TIA1: variants seen among roughly 807,000 people sequenced by gnomAD.
TIA1 encodes the protein cytotoxic granule associated RNA binding protein TIA1.
A neutral mutation model predicts 65.9 loss-of-function variants in TIA1; 23 were observed. The ratio of observed to expected loss-of-function variants is 0.35; its 90% CI spans 0.25 to 0.49. The LOEUF is 0.49. Among genes scored for constraint, TIA1 ranks in the 20% least tolerant of loss-of-function variants. The pLI is 0.98. For missense variants in TIA1, 371 were observed against 477.9 expected (o/e 0.78, Z 2.09); for synonymous variants, 147 against 149.4 (o/e 0.98, Z 0.12).
chr2:70,227,897 A>G (rs1439958371), intron 5 of TIA1, 75 bp from the exon 6 acceptor site: 3 of 967,940 alleles, frequency 3.1e-6, no homozygotes, highest in African/African-American at 3.3e-5. Flanking sequence ...AATCTATCCA[A>G]TAAAGTATTC....
chr2:70,228,370 A>C (rs1452393285), intron 5 of TIA1: 8 of 1,287,972 alleles, frequency 6.2e-6, no homozygotes, highest in Non-Finnish European at 8.1e-6. Flanking sequence ...TTGATGTTAA[A>C]GTATTTGACA....
chr2:70,212,616 C>A lies in TIA1; in HGVS notation c.*103G>T. 2 of 659,228 alleles carry A rather than the reference C, an allele frequency of 3.0e-6. No homozygotes were observed. Among genetic ancestry groups the A allele is most frequent in the Non-Finnish European group, 5.6e-6 (2 of 358,366 alleles). 40.8% of individuals were successfully genotyped at this position (659,228 alleles called of 1,614,324 possible). A position where few individuals can be genotyped will look rare whatever the true frequency, so the allele number is the denominator to read the frequency against. On this transcript the variant is annotated 3_prime_UTR_variant, in exon 13 of 13. Transcript: ENST00000433529. ...AATCTTTTAAATAAATACATTGTAT[C>A]TGACATTTGCACTGACTGATTTGAT... is the stretch of plus-strand genomic sequence containing the variant.
At chr2:70,246,699 G>A (rs758908672) in intron 1 of TIA1, among the ~76,000 whole-genome samples, 17 of 152,016 alleles carry the variant, frequency 1.1e-4, no homozygotes, top group Non-Finnish European at 2.4e-4. Flanking sequence ...CAGCTTGGCC[G>A]ACATGGTGAA....
rs779535462 is a variant in TIA1 at position 70,229,332 on chromosome 2, A to T, written c.223-14T>A. 89 of 1,585,800 alleles carry T rather than the reference A, an allele frequency of 5.6e-5. No homozygotes were observed. Among genetic ancestry groups the T allele is most frequent in the Non-Finnish European group, 6.9e-5 (80 of 1,164,626 alleles). Reference sequence around the variant, plus strand: ...CACTTTGACTTCCTAAAAAAAAAAAATTTCTACATTTATACTTCACAAAAA... The same window carrying T: ...CACTTTGACTTCCTAAAAAAAAAAATTTTCTACATTTATACTTCACAAAAA... On this transcript the variant is annotated splice_polypyrimidine_tract_variant and intron_variant, in intron 3 of 12. Transcript: ENST00000433529.
At position 70,214,430 on chromosome 2, in the gene TIA1, T is replaced by C. The variant is rs115611153; in HGVS notation, c.953A>G (p.Gln318Arg). The change falls in exon 12 of 13, where the codon CAA (glutamine) becomes CGA (arginine). Residue 318 changes from glutamine to arginine, a missense_variant. By Grantham distance (43) the Gln-to-Arg change is conservative (BLOSUM62 1). Coordinates refer to ENST00000433529, the MANE Select transcript of TIA1 (RefSeq NM_022173.4). ...QWGQWYGNAQ[Q>R]IGQYMPNGWQ... is the part of the protein sequence containing the mutation. Reference sequence around the variant, plus strand: ...ACCATTAGGCATATACTGGCCAATTTGTTGTGCATTTCCATACCACTGGCC... The same window carrying C: ...ACCATTAGGCATATACTGGCCAATTCGTTGTGCATTTCCATACCACTGGCC... 15,784 of 1,613,990 alleles carry C rather than the reference T, an allele frequency of 9.8e-3. 96 individuals carry two copies. The highest frequency in any genetic ancestry group is 0.012 in the Non-Finnish European group (14,145 of 1,179,938).
At chr2:70,219,244 G>T (rs1438092180) in intron 7 of TIA1, among the ~76,000 whole-genome samples, 1 of 151,602 alleles carries the variant, frequency 6.6e-6, no homozygotes, top group Admixed American at 6.6e-5. Context: ...GACTAGGGAG[G>T]AGTAGCCAGT....
intron 6 of TIA1, 111 bp downstream of exon 6, chr2:70,227,624 T>C (rs560587574): frequency 4.5e-6 from 3 of 669,848 alleles, no homozygotes; most frequent in East Asian, 2.9e-5. Flanking sequence ...TAATACATTA[T>C]ATTCAAGTTA....
intron 1 of TIA1, among the ~76,000 whole-genome samples, chr2:70,244,405 A>G (rs964928754): frequency 6.6e-6 from 1 of 152,190 alleles, no homozygotes; most frequent in African/African-American, 2.4e-5. Context: ...CCCAGTTCCC[A>G]GAAGACGGAC....
At chr2:70,214,632 TAAAAAAA>T (rs758601002) in intron 11 of TIA1, 138 bp from the exon 12 acceptor site, 61 of 311,950 alleles carry the variant, frequency 2.0e-4, no homozygotes, top group South Asian at 9.0e-4. Flanking sequence ...AGTTGACTGC[TAAAAAAA>T]AAAAAAAAAA....
intron 1 of TIA1, 40 bp downstream of exon 1, chr2:70,248,365 G>A (rs775461800): frequency 2.5e-6 from 4 of 1,592,906 alleles, no homozygotes; most frequent in South Asian, 1.1e-5. Flanking sequence ...CCTCCGGGAC[G>A]ACCACCATCC....
In TIA1 at chr2:70,216,396, T is replaced by TAG; in HGVS notation, c.679+7_679+8insCT. 3.7e-6 allele frequency: 6 copies of TAG among 1,608,238 alleles called. No individual in the cohort carries two copies. In the South Asian group the frequency reaches 6.7e-5, roughly 18 times the overall value. On this transcript the variant is annotated splice_region_variant and intron_variant, in intron 9 of 12. Coordinates refer to ENST00000433529, the MANE Select transcript of TIA1 (RefSeq NM_022173.4). Reference sequence around the variant, plus strand: ...AAAATTAATGCCACACAGGGAAGGCTCCCATACCTGTTAGCCCAGAAGTAA... The same window carrying TAG: ...AAAATTAATGCCACACAGGGAAGGCTAGCCCATACCTGTTAGCCCAGAAGTAA...
chr2:70,225,232 ACT>A, intron 6 of TIA1: 10 of 1,102,402 alleles, frequency 9.1e-6, no homozygotes, highest in Non-Finnish European at 1.1e-5. Flanking sequence ...AAGATTTTAC[ACT>A]GAATTTTATA....
intron 7 of TIA1, among the ~76,000 whole-genome samples, chr2:70,217,618 C>T (rs1299995066): frequency 6.6e-6 from 1 of 152,082 alleles, no homozygotes; most frequent in African/African-American, 2.4e-5. Flanking sequence ...AGGATGGTCT[C>T]GATCTCCTGA....
At chr2:70,227,415 C>T (rs1448727781) in intron 6 of TIA1, among the ~76,000 whole-genome samples, 1 of 152,090 alleles carries the variant, frequency 6.6e-6, no homozygotes, top group Admixed American at 6.6e-5. Context: ...TCCTTAGTTA[C>T]AGCACAATTT....
intron 2 of TIA1, among the ~76,000 whole-genome samples, chr2:70,235,111 A>T (rs7581651): frequency 0.084 from 12,808 of 152,138 alleles, 568 homozygotes; most frequent in East Asian, 0.18. Flanking sequence ...TCTTTAACAT[A>T]GCCTTTCCCA....
At chr2:70,224,727 T>C (rs1683071550) in intron 6 of TIA1, 98 bp from the exon 7 acceptor site, 2 of 1,511,764 alleles carry the variant, frequency 1.3e-6, no homozygotes, top group Non-Finnish European at 1.8e-6. Context: ...TTCACCTTCA[T>C]TAAAGTGAAC....
intron 6 of TIA1, chr2:70,225,506 C>T: frequency 1.8e-6 from 2 of 1,108,832 alleles, no homozygotes; most frequent in Non-Finnish European, 1.2e-6. Context: ...AGGCAATCTG[C>T]TTTTAAGTTA....
At chr2:70,237,400 CA>C (rs575331765) in intron 1 of TIA1, among the ~76,000 whole-genome samples, 1 of 151,424 alleles carries the variant, frequency 6.6e-6, no homozygotes, top group Non-Finnish European at 1.5e-5. Flanking sequence ...GACTATGTCT[CA>C]AAAAAGAAAA....
At position 70,209,775 on chromosome 2, in the gene TIA1, T is replaced by G; in HGVS notation, c.*2944A>C. ...ACTCTCATTTGAAAGGTTTGCTTTC[T>G]TATTTCCTGTAAGTACATTTCGTTT... On this transcript the variant is annotated 3_prime_UTR_variant, in exon 13 of 13. Coordinates refer to ENST00000433529, the MANE Select transcript of TIA1 (RefSeq NM_022173.4). The G allele has an allele frequency of 2.5e-6, 1 of 398,298 alleles. No individual in the cohort carries two copies. Among genetic ancestry groups the G allele is most frequent in the East Asian group, 3.6e-5 (1 of 27,978 alleles). 24.7% of individuals were successfully genotyped at this position (398,298 alleles called of 1,614,324 possible).
Sources: gnomAD v4.1 joint callset for allele counts (sites outside exome capture counted in the v4.1 genomes callset) on GRCh38, gnomAD v4.1.1 for gene constraint, MANE v1.5 for transcripts, NCBI Gene and HGNC (gene_info 2026-07-23, HGNC 2026-07-21) for gene names.